The following DNMBP variants were observed in gnomAD, a reference collection of about 807,000 sequenced individuals.
DNMBP encodes the protein dynamin-binding protein.
Under a neutral mutation model 150.0 loss-of-function variants are expected in DNMBP, and 87 were observed. The ratio of observed to expected loss-of-function variants is 0.58; its 90% CI spans 0.49 to 0.69. The LOEUF (loss-of-function observed/expected upper bound fraction) is 0.69. Ranked by LOEUF, DNMBP falls within the 30% of genes least tolerant of loss-of-function variation. The pLI is 0.00. For missense variants in DNMBP, 1,774 were observed against 1,949.0 expected (o/e 0.91, Z 1.69); for synonymous variants, 711 against 750.4 (o/e 0.95, Z 0.86).
chr10:99,980,859 G>A (rs905037573), intron 1 of DNMBP, among the ~76,000 whole-genome samples: 8 of 152,158 alleles, frequency 5.3e-5, no homozygotes, highest in Non-Finnish European at 1.2e-4. Context: ...GACAAATACT[G>A]CATGAATGAG....
At chr10:99,883,668 A>G (rs1031210918) in intron 15 of DNMBP, among the ~76,000 whole-genome samples, 142 of 145,680 alleles carry the variant, frequency 9.7e-4, no homozygotes, top group Middle Eastern at 3.5e-3. Flanking sequence ...AAAAAAAAAA[A>G]TTTGAAAAGA....
chr10:99,948,562 C>G (rs1198517315), intron 4 of DNMBP, among the ~76,000 whole-genome samples: 1 of 152,088 alleles, frequency 6.6e-6, no homozygotes, highest in Non-Finnish European at 1.5e-5. Context: ...AGAGCCTAGA[C>G]CACAAAAATG....
At chr10:99,941,063 T>C (rs2040293540) in intron 4 of DNMBP, among the ~76,000 whole-genome samples, 1 of 152,064 alleles carries the variant, frequency 6.6e-6, no homozygotes. Context: ...TTTTGTGTTT[T>C]TAGTAGTGAC....
At chr10:99,954,181 T>C (rs1390916391) in intron 4 of DNMBP, among the ~76,000 whole-genome samples, 3 of 151,898 alleles carry the variant, frequency 2.0e-5, no homozygotes, top group Non-Finnish European at 2.9e-5. Context: ...TACTGGGATA[T>C]ACCACCACTC....
At chr10:99,979,174 T>G (rs2133363507) in intron 1 of DNMBP, among the ~76,000 whole-genome samples, 1 of 152,340 alleles carries the variant, frequency 6.6e-6, no homozygotes, top group African/African-American at 2.4e-5. Flanking sequence ...GCTAATCATT[T>G]GATGACCCTT....
chr10:99,880,033 GGAGGTGGAGTCTGGGTCT>G lies in DNMBP; in HGVS notation c.4308_4325del (p.Asp1437_Ser1442del). Reference sequence around the variant, plus strand: ...CTGCAGAGTCCCCTGACCTTGGCTGGGAGGTGGAGTCTGGGTCTGAAGGGCATCTGGAAGGACTACTCT... The same window carrying G: ...CTGCAGAGTCCCCTGACCTTGGCTGGGAAGGGCATCTGGAAGGACTACTCT... On this transcript the variant is annotated inframe_deletion, in exon 16 of 17. Transcript: ENST00000324109. 1 of 1,614,200 alleles carries G rather than the reference GGAGGTGGAGTCTGGGTCT, an allele frequency of 6.2e-7. No homozygotes were observed. The highest frequency in any genetic ancestry group is 8.5e-7 in the Non-Finnish European group (1 of 1,180,034).
chr10:99,955,962 A>C lies in DNMBP; in HGVS notation c.1512T>G (p.Ser504Arg), dbSNP rs1419171415. 87 of 1,614,120 alleles carry C rather than the reference A, an allele frequency of 5.4e-5. No homozygotes were observed. The highest frequency in any genetic ancestry group is 7.3e-5 in the Non-Finnish European group (86 of 1,180,008). ...TGGACGTGTGGTGCTTTTTAGTATAACTTGCTAGGTTGTGGAGCTGAGGAC... is the reference window on the plus strand; with the variant it reads ...TGGACGTGTGGTGCTTTTTAGTATACCTTGCTAGGTTGTGGAGCTGAGGAC... Reference protein sequence around the residue: ...QSSPQLHNLASYTKKHHTSSV... With the variant: ...QSSPQLHNLARYTKKHHTSSV... Residue 504 changes from serine to arginine, a missense_variant, in exon 4 of 17, where the codon AGT (serine) becomes AGG (arginine). Coordinates refer to ENST00000324109, the MANE Select transcript of DNMBP (RefSeq NM_015221.4).
At chr10:99,890,389 C>CA (rs1278439807) in intron 11 of DNMBP, among the ~76,000 whole-genome samples, 1 of 152,162 alleles carries the variant, frequency 6.6e-6, no homozygotes, top group East Asian at 1.9e-4. Flanking sequence ...CATTTTCTCT[C>CA]AATTTCTGTC....
At chr10:99,881,966 A>G (rs1227139564) in intron 15 of DNMBP, among the ~76,000 whole-genome samples, 1 of 152,196 alleles carries the variant, frequency 6.6e-6, no homozygotes, top group African/African-American at 2.4e-5. Context: ...CTGGGAAGGT[A>G]GTCAAGTACC....
At chr10:99,924,118 C>T (rs1177927681) in intron 4 of DNMBP, among the ~76,000 whole-genome samples, 1 of 152,052 alleles carries the variant, frequency 6.6e-6, no homozygotes, top group Non-Finnish European at 1.5e-5. Context: ...TGTGCCACTG[C>T]ACTCCAGCCT....
chr10:99,902,578 G>GGGAT (rs1325065627), intron 6 of DNMBP, among the ~76,000 whole-genome samples: 1 of 149,132 alleles, frequency 6.7e-6, no homozygotes, highest in Non-Finnish European at 1.5e-5. Flanking sequence ...CCAAAGTGCT[G>GGGAT]GGATTACCGG....
chr10:99,931,528 G>T (rs922268596), intron 4 of DNMBP, among the ~76,000 whole-genome samples: 2 of 152,206 alleles, frequency 1.3e-5, no homozygotes, highest in African/African-American at 4.8e-5. Flanking sequence ...CCAGAATGGA[G>T]TTAGGTATGC....
rs1365930260 is a variant in DNMBP, at chr10:100,009,792, T to TCCCCGCCCGGC, written c.-11+35_-11+45dup. ...CGCGGCCCCGGACCGCGACCCCCGC[T>TCCCCGCCCGGC]CCCCGCCCGGCCCCCGCCCGGCTCC... On this transcript the variant is annotated intron_variant, in intron 1 of 16. Coordinates refer to ENST00000324109, the MANE Select transcript of DNMBP (RefSeq NM_015221.4). 11 of 148,474 alleles carry TCCCCGCCCGGC rather than the reference T, an allele frequency of 7.4e-5. No homozygotes were observed. The South Asian group carries it at 1.8e-3, about 25-fold the overall frequency. The allele number at this position is 148,474 out of a possible 1,614,324, so 9.2% of individuals were successfully genotyped here.
intron 4 of DNMBP, among the ~76,000 whole-genome samples, chr10:99,915,128 T>C (rs186059830): frequency 0.027 from 3,394 of 125,712 alleles, 46 homozygotes; most frequent in South Asian, 0.057. Context: ...TATATATATA[T>C]ACACACACAC....
chr10:99,909,622 T>C (rs908141195), intron 4 of DNMBP, among the ~76,000 whole-genome samples: 8 of 152,132 alleles, frequency 5.3e-5, no homozygotes, highest in Admixed American at 3.3e-4. Context: ...TAAGAAATTA[T>C]CCATCTGAGA....
At chr10:99,879,077 T>A (rs2039319229) in intron 16 of DNMBP, among the ~76,000 whole-genome samples, 1 of 39,790 alleles carries the variant, frequency 2.5e-5, no homozygotes, top group Non-Finnish European at 5.9e-5. Context: ...AGAGCAAGAC[T>A]CTGTCTCAAA....
At chr10:99,883,931 G>T in intron 15 of DNMBP, 80 bp downstream of exon 15, 4 of 1,359,968 alleles carry the variant, frequency 2.9e-6, no homozygotes, top group Non-Finnish European at 3.1e-6. Flanking sequence ...TTTTTTTCCT[G>T]GCCTAGTCCA....
chr10:99,932,572 G>A (rs1220658544), intron 4 of DNMBP, among the ~76,000 whole-genome samples: 2 of 150,940 alleles, frequency 1.3e-5, no homozygotes, highest in Non-Finnish European at 2.9e-5. Flanking sequence ...GGCATTTAGA[G>A]ACAGCCCAAA....
chr10:99,916,358 G>A (rs1291804017), intron 4 of DNMBP, among the ~76,000 whole-genome samples: 1 of 152,224 alleles, frequency 6.6e-6, no homozygotes, highest in Non-Finnish European at 1.5e-5. Context: ...AGCTACCCAG[G>A]AGGCTGAGGC....
Sources: gnomAD v4.1 joint callset for allele counts (sites outside exome capture counted in the v4.1 genomes callset) on GRCh38, gnomAD v4.1.1 for gene constraint, MANE v1.5 for transcripts, NCBI Gene and HGNC (gene_info 2026-07-23, HGNC 2026-07-21) for gene names.